RBFOX1: variants seen among roughly 807,000 people sequenced by gnomAD.
The protein encoded by RBFOX1 is RNA binding fox-1 homolog 1.
Under a neutral mutation model 57.7 loss-of-function variants are expected in RBFOX1, and 8 were observed. The observed-to-expected ratio is 0.14, with a 90% CI of 0.08 to 0.25. The LOEUF (loss-of-function observed/expected upper bound fraction) is 0.25, where lower values mean the gene tolerates loss of function less well. Ranked by LOEUF, RBFOX1 falls within the 10% of genes least tolerant of loss-of-function variation. The pLI, the probability that RBFOX1 is intolerant of heterozygous loss-of-function variation, is 1.00. For missense variants in RBFOX1, 611 were observed against 548.5 expected, an observed-to-expected ratio of 1.11 and a Z score of -1.14; for synonymous variants, 326 against 222.4, an observed-to-expected ratio of 1.47 and a Z score of -4.15.
intron 1 of RBFOX1, among the ~76,000 whole-genome samples, chr16:6,120,023 A>G (rs1403950278): frequency 1.3e-5 from 2 of 152,138 alleles, no homozygotes; most frequent in Admixed American, 6.5e-5. Flanking sequence ...TTTTGTGTAA[A>G]CAGAATCATA....
chr16:6,209,475 C>T (rs930142899), intron 1 of RBFOX1, among the ~76,000 whole-genome samples: 1 of 152,230 alleles, frequency 6.6e-6, no homozygotes, highest in Non-Finnish European at 1.5e-5. Flanking sequence ...GCCGTCTCAT[C>T]TAATACACGT....
intron 4 of RBFOX1, among the ~76,000 whole-genome samples, chr16:7,076,621 A>C (rs1334640791): frequency 6.6e-6 from 1 of 152,192 alleles, no homozygotes; most frequent in East Asian, 1.9e-4. Flanking sequence ...TTATTTTTGC[A>C]CATGAAATTT....
chr16:5,317,170 A>G (rs189417079), intron 1 of RBFOX1, among the ~76,000 whole-genome samples: 66 of 152,160 alleles, frequency 4.3e-4, no homozygotes, highest in African/African-American at 1.6e-3. Context: ...AAATGAGTGA[A>G]CCAATTCCCT....
intron 3 of RBFOX1, chr16:6,704,834 C>G (rs1334431359): frequency 6.6e-6 from 1 of 152,166 alleles, no homozygotes; most frequent in Non-Finnish European, 1.5e-5. Context: ...TTTGTGCTTT[C>G]CATCATCTTT....
At chr16:7,004,473 C>G (rs566892090) in intron 3 of RBFOX1, among the ~76,000 whole-genome samples, 2 of 152,138 alleles carry the variant, frequency 1.3e-5, no homozygotes, top group Non-Finnish European at 2.9e-5. Context: ...AGGTTTGGAG[C>G]CCAGCCCAGG....
intron 2 of RBFOX1, among the ~76,000 whole-genome samples, chr16:5,495,219 T>G (rs141076783): frequency 5.3e-5 from 8 of 152,246 alleles, no homozygotes; most frequent in African/African-American, 1.9e-4. Context: ...ATAGAAAGAA[T>G]TAACTTCCAC....
At chr16:6,004,957 G>A (rs573640829) in intron 4 of RBFOX1, among the ~76,000 whole-genome samples, 1 of 152,088 alleles carries the variant, frequency 6.6e-6, no homozygotes, top group Non-Finnish European at 1.5e-5. Flanking sequence ...ACCAAAATCG[G>A]ATGAGGGAAA....
intron 2 of RBFOX1, among the ~76,000 whole-genome samples, chr16:6,329,826 T>A (rs1320462244): frequency 6.6e-6 from 1 of 152,132 alleles, no homozygotes; most frequent in Non-Finnish European, 1.5e-5. Flanking sequence ...TAATTCCAGC[T>A]ACTTGGGAGG....
intron 3 of RBFOX1, among the ~76,000 whole-genome samples, chr16:6,700,194 AC>A (rs2061616346): frequency 6.6e-6 from 1 of 152,024 alleles, no homozygotes; most frequent in Admixed American, 6.6e-5. Flanking sequence ...TCAATTTTTC[AC>A]CCAGAGAGGA....
At chr16:6,196,443 C>T (rs901430654) in intron 1 of RBFOX1, among the ~76,000 whole-genome samples, 1 of 152,122 alleles carries the variant, frequency 6.6e-6, no homozygotes, top group Admixed American at 6.5e-5. Context: ...AAACGTTTAA[C>T]ACATTGCATG....
At chr16:6,967,961 G>A (rs1023527994) in intron 3 of RBFOX1, among the ~76,000 whole-genome samples, 2 of 152,146 alleles carry the variant, frequency 1.3e-5, no homozygotes, top group Non-Finnish European at 2.9e-5. Flanking sequence ...AAAAACGCTC[G>A]GGGAGAGAGG....
chr16:7,692,790 C>A (rs1001000930), intron 14 of RBFOX1, among the ~76,000 whole-genome samples: 1 of 152,034 alleles, frequency 6.6e-6, no homozygotes, highest in African/African-American at 2.4e-5. Flanking sequence ...TTGACAAGTT[C>A]TCTTAGCTCT....
At chr16:7,213,445 A>T (rs1460294279) in intron 4 of RBFOX1, among the ~76,000 whole-genome samples, 1 of 152,162 alleles carries the variant, frequency 6.6e-6, no homozygotes, top group African/African-American at 2.4e-5. Flanking sequence ...GATTCACAAA[A>T]TGTGGTCCAT....
intron 3 of RBFOX1, among the ~76,000 whole-genome samples, chr16:5,816,914 G>A (rs974006724): frequency 6.6e-6 from 1 of 152,296 alleles, no homozygotes; most frequent in East Asian, 1.9e-4. Flanking sequence ...GAGTACCTGA[G>A]ATGTGTTGAT....
intron 3 of RBFOX1, among the ~76,000 whole-genome samples, chr16:6,900,525 T>G (rs752294128): frequency 1.6e-4 from 24 of 152,192 alleles, no homozygotes; most frequent in Middle Eastern, 3.2e-3. Context: ...GCCCTGCCCT[T>G]CTCTCAACAC....
intron 5 of RBFOX1, among the ~76,000 whole-genome samples, chr16:7,548,853 ATTAG>A (rs754702405): frequency 1.1e-4 from 17 of 152,196 alleles, no homozygotes; most frequent in Non-Finnish European, 2.2e-4. Flanking sequence ...GTTCCTGCCT[ATTAG>A]TTAGGGACCC....
intron 2 of RBFOX1, among the ~76,000 whole-genome samples, chr16:6,410,019 C>T (rs189002966): frequency 2.0e-5 from 3 of 152,100 alleles, no homozygotes; most frequent in African/African-American, 7.2e-5. Context: ...TTGTCCTCTA[C>T]GAGGCAAAGG....
intron 2 of RBFOX1, among the ~76,000 whole-genome samples, chr16:6,478,410 TATATATATATA>T (rs2095310983): frequency 2.1e-4 from 5 of 23,598 alleles, no homozygotes; most frequent in Non-Finnish European, 3.0e-4. Flanking sequence ...TATATATATA[TATATATATATA>T]TATATATATT....
chr16:6,600,727 A>G (rs2154006443), intron 2 of RBFOX1, among the ~76,000 whole-genome samples: 1 of 152,318 alleles, frequency 6.6e-6, no homozygotes, highest in African/African-American at 2.4e-5. Flanking sequence ...CCGTTATGAA[A>G]CATTTGTCCT....
Sources: gnomAD v4.1 joint callset for allele counts (sites outside exome capture counted in the v4.1 genomes callset) on GRCh38, gnomAD v4.1.1 for gene constraint, MANE v1.5 for transcripts, NCBI Gene and HGNC (gene_info 2026-07-23, HGNC 2026-07-21) for gene names.